TNR: variants seen among roughly 807,000 people sequenced by gnomAD.
TNR encodes tenascin-R.
A neutral mutation model predicts 150.4 loss-of-function variants in TNR; 45 were observed. That is an observed-to-expected ratio of 0.30 (90% CI 0.24 to 0.38). The LOEUF is 0.38. Among genes scored for constraint, TNR ranks in the 10% least tolerant of loss-of-function variants. The probability of loss-of-function intolerance (pLI) is 1.00; values close to 1 mark genes in which losing one functional copy is unlikely to be tolerated. For synonymous variants in TNR, 687 were observed against 678.4 expected (o/e 1.01, Z -0.20); for missense variants, 1,544 against 1,759.1 (o/e 0.88, Z 2.19).
At position 175,519,305 on chromosome 1, in the gene TNR, G is replaced by A. The variant is rs61805069; in HGVS notation, c.-64+8964C>T. On this transcript the variant is annotated intron_variant, in intron 2 of 22. Transcript: ENST00000367674. ...TGATCTTCCAGTGTGTGTGTTCAGG[G>A]GAAGGAAATTGTTTACAATTGTCCT... is the stretch of plus-strand genomic sequence containing the variant. 5.4e-3 allele frequency among the ~76,000 whole-genome samples: 819 copies of A among 152,270 alleles called. 7 individuals are homozygous for A. The highest frequency in any genetic ancestry group is 0.019 in the South Asian group (90 of 4,826).
intron 2 of TNR, among the ~76,000 whole-genome samples, chr1:175,413,086 C>T (rs1368346669): frequency 1.3e-5 from 2 of 152,098 alleles, no homozygotes; most frequent in African/African-American, 4.8e-5. Flanking sequence ...AGTGCAGTGG[C>T]ACGATCTCTG....
At chr1:175,379,119 C>T (rs907209717) in intron 9 of TNR, among the ~76,000 whole-genome samples, 15 of 145,458 alleles carry the variant, frequency 1.0e-4, no homozygotes, top group Middle Eastern at 3.6e-3. Flanking sequence ...GCAGAGGTTG[C>T]AGTGAGCCAA....
At chr1:175,563,302 G>T (rs564003796) in intron 1 of TNR, among the ~76,000 whole-genome samples, 2 of 152,294 alleles carry the variant, frequency 1.3e-5, no homozygotes, top group African/African-American at 4.8e-5. Flanking sequence ...GATTCAAAAA[G>T]TTTTCAAAGC....
chr1:175,413,107 C>A (rs1210076452), intron 2 of TNR, among the ~76,000 whole-genome samples: 1 of 152,164 alleles, frequency 6.6e-6, no homozygotes. Flanking sequence ...CTCACTGCAA[C>A]CTCCATCTCC....
chr1:175,320,763 T>TTCCC lies in TNR; in HGVS notation c.*2590_*2593dup, dbSNP rs898579829. On this transcript the variant is annotated 3_prime_UTR_variant, in exon 23 of 23. Transcript: ENST00000367674. Reference sequence around the variant, plus strand: ...TCCTGAATCAATCTCTCTCTTTTCTTTCCCTCCCTCCCTCCCCTTCCTTCT... The same window carrying TTCCC: ...TCCTGAATCAATCTCTCTCTTTTCTTTCCCTCCCTCCCTCCCTCCCCTTCCTTCT... The TTCCC allele has an allele frequency of 2.6e-5, 4 of 151,116 alleles. No homozygotes were observed. The highest frequency in any genetic ancestry group is 7.3e-5 in the African/African-American group (3 of 40,880). 9.4% of individuals were successfully genotyped at this position (151,116 alleles called of 1,614,324 possible). A position where few individuals can be genotyped will look rare whatever the true frequency, so the allele number is the denominator to read the frequency against.
chr1:175,347,645 T>C (rs772676391), intron 18 of TNR, among the ~76,000 whole-genome samples: 1 of 152,040 alleles, frequency 6.6e-6, no homozygotes, highest in African/African-American at 2.4e-5. Context: ...CCAGGCTGTT[T>C]TCGACCACCT....
At chr1:175,533,268 G>A (rs1332797251) in intron 1 of TNR, among the ~76,000 whole-genome samples, 1 of 152,114 alleles carries the variant, frequency 6.6e-6, no homozygotes, top group Non-Finnish European at 1.5e-5. Flanking sequence ...ATTTCTTTAC[G>A]GGGTTGCTAA....
At chr1:175,624,778 T>C (rs1664093108) in intron 1 of TNR, among the ~76,000 whole-genome samples, 1 of 152,140 alleles carries the variant, frequency 6.6e-6, no homozygotes, top group Non-Finnish European at 1.5e-5. Flanking sequence ...AATGGTGGGC[T>C]CCTGGGGTAG....
chr1:175,624,305 C>T (rs545508194), intron 1 of TNR, among the ~76,000 whole-genome samples: 11 of 152,254 alleles, frequency 7.2e-5, no homozygotes, highest in African/African-American at 2.6e-4. Flanking sequence ...CATGTCCCTT[C>T]CCTCCATCCC....
intron 2 of TNR, among the ~76,000 whole-genome samples, chr1:175,461,266 T>A (rs905381404): frequency 7.2e-5 from 11 of 152,212 alleles, no homozygotes; most frequent in Admixed American, 7.2e-4. Flanking sequence ...AGCTGGTGGC[T>A]GCAATTTACT....
At chr1:175,357,266 T>C (rs1651376438) in intron 15 of TNR, among the ~76,000 whole-genome samples, 1 of 152,254 alleles carries the variant, frequency 6.6e-6, no homozygotes, top group Non-Finnish European at 1.5e-5. Flanking sequence ...TTGGTAAGCA[T>C]GTCTTCTCTG....
chr1:175,673,882 A>G (rs1665776945), intron 1 of TNR, among the ~76,000 whole-genome samples: 1 of 152,250 alleles, frequency 6.6e-6, no homozygotes, highest in South Asian at 2.1e-4. Flanking sequence ...AAGAAACTCA[A>G]AACAACAAAA....
intron 3 of TNR, 136 bp downstream of exon 3, chr1:175,406,080 C>T (rs976883873): frequency 8.4e-6 from 10 of 1,185,132 alleles, no homozygotes; most frequent in African/African-American, 6.1e-5. Context: ...TTCCTTTGAC[C>T]GTGTGAAGAG....
chr1:175,379,844 C>A, intron 8 of TNR, 107 bp from the exon 9 acceptor site: 2 of 1,262,502 alleles, frequency 1.6e-6, no homozygotes, highest in South Asian at 1.5e-5. Flanking sequence ...CACCCCCTGA[C>A]CCTCTGGCTC....
At chr1:175,387,423 G>A (rs1652988821) in intron 7 of TNR, among the ~76,000 whole-genome samples, 1 of 152,148 alleles carries the variant, frequency 6.6e-6, no homozygotes, top group African/African-American at 2.4e-5. Flanking sequence ...GGCTGGTGTG[G>A]CCATTTTCTA....
intron 1 of TNR, among the ~76,000 whole-genome samples, chr1:175,671,917 G>GTA (rs1329136013): frequency 2.5e-4 from 37 of 149,084 alleles, no homozygotes; most frequent in Middle Eastern, 3.5e-3. Context: ...GTACCTGTGT[G>GTA]TGTGTGTGTG....
intron 2 of TNR, among the ~76,000 whole-genome samples, chr1:175,435,389 G>A (rs924117780): frequency 8.5e-5 from 13 of 152,198 alleles, no homozygotes; most frequent in African/African-American, 3.1e-4. Context: ...TGTGGAAATA[G>A]AAGATTGACA....
chr1:175,446,629 T>C (rs1656056961), intron 2 of TNR, among the ~76,000 whole-genome samples: 1 of 152,210 alleles, frequency 6.6e-6, no homozygotes, highest in African/African-American at 2.4e-5. Flanking sequence ...ATTGTTCCTT[T>C]TGTTATCAAT....
chr1:175,657,834 G>A lies in TNR; in HGVS notation c.-165+85392C>T, dbSNP rs370226915. Among the ~76,000 whole-genome samples, 3 of 113,012 alleles carry A rather than the reference G, an allele frequency of 2.7e-5. No individual in the cohort carries two copies. In the South Asian group the frequency reaches 9.5e-4, roughly 36 times the overall value. 74.1% of individuals were successfully genotyped at this position (113,012 alleles called of 152,430 possible). On this transcript the variant is annotated intron_variant, in intron 1 of 22. Transcript: ENST00000367674. Reference sequence around the variant, plus strand: ...TGTAAATGACGAGTTAATGGGTGCAGCACACCAACATGGAACATGTATATA... The same window carrying A: ...TGTAAATGACGAGTTAATGGGTGCAACACACCAACATGGAACATGTATATA...
Sources: gnomAD v4.1 joint callset for allele counts (sites outside exome capture counted in the v4.1 genomes callset) on GRCh38, gnomAD v4.1.1 for gene constraint, MANE v1.5 for transcripts, NCBI Gene and HGNC (gene_info 2026-07-23, HGNC 2026-07-21) for gene names.